Variants in DPY19L3 observed in about 807,000 individuals in gnomAD.
The protein encoded by DPY19L3 is dpy-19 like C-mannosyltransferase 3, also known as protein C-mannosyl-transferase DPY19L3.
A neutral mutation model predicts 92.3 loss-of-function variants in DPY19L3; 51 were observed. That is an observed-to-expected ratio of 0.55 (90% CI 0.44 to 0.70). DPY19L3 has a LOEUF of 0.70. Among genes scored for constraint, DPY19L3 ranks in the 30% least tolerant of loss-of-function variants. The pLI, the probability that DPY19L3 is intolerant of heterozygous loss-of-function variation, is 0.00. For synonymous variants in DPY19L3, 309 were observed against 315.2 expected (o/e 0.98, Z 0.21); for missense variants, 706 against 855.9 (o/e 0.82, Z 2.18).
chr19:32,478,054 C>T (rs1378320964), intron 17 of DPY19L3, among the ~76,000 whole-genome samples: 3 of 152,156 alleles, frequency 2.0e-5, no homozygotes, highest in Non-Finnish European at 4.4e-5. Flanking sequence ...CAGTTACCTC[C>T]CACCAGGTCC....
intron 7 of DPY19L3, among the ~76,000 whole-genome samples, chr19:32,439,441 T>C (rs571605505): frequency 6.6e-6 from 1 of 152,338 alleles, no homozygotes; most frequent in Admixed American, 6.5e-5. Context: ...GTTAAAAATG[T>C]ACTCTACATA....
intron 12 of DPY19L3, among the ~76,000 whole-genome samples, chr19:32,461,113 GC>G (rs1392252619): frequency 1.3e-5 from 2 of 152,330 alleles, no homozygotes; most frequent in Non-Finnish European, 2.9e-5. Flanking sequence ...TGATCTGCCT[GC>G]CTCAGCCTCC....
chr19:32,444,047 A>G (rs2145519102), intron 8 of DPY19L3, among the ~76,000 whole-genome samples: 1 of 151,564 alleles, frequency 6.6e-6, no homozygotes, highest in African/African-American at 2.4e-5. Context: ...AAAAAAAAAA[A>G]AGAAAAAAAA....
chr19:32,413,443 T>A (rs1568323038), intron 3 of DPY19L3, among the ~76,000 whole-genome samples: 2 of 97,228 alleles, frequency 2.1e-5, no homozygotes, highest in East Asian at 3.2e-4. Context: ...GAAGAATAAT[T>A]CTTTTTTTTT....
At chr19:32,421,741 C>T (rs896494076) in intron 3 of DPY19L3, among the ~76,000 whole-genome samples, 3 of 151,962 alleles carry the variant, frequency 2.0e-5, no homozygotes, top group Non-Finnish European at 4.4e-5. Context: ...AAACCAACAG[C>T]ACCCTGAGTA....
chr19:32,468,116 A>G (rs1419207534), intron 15 of DPY19L3: 3 of 978,096 alleles, frequency 3.1e-6, no homozygotes, highest in East Asian at 1.1e-4. Context: ...GCCAGGGTCC[A>G]GGTTGTAGCT....
Position 32,409,728 on chromosome 19 carries a change from A to G in DPY19L3, c.103+1372A>G, listed in dbSNP as rs1389092260. Among the ~76,000 whole-genome samples the G allele has an allele frequency of 2.6e-5, 4 of 152,162 alleles. No individual in the cohort carries two copies. The East Asian group carries it at 7.7e-4, about 29-fold the overall frequency. On this transcript the variant is annotated intron_variant, in intron 2 of 18. Transcript: ENST00000392250. ...AGATCACATGACCAGAGTAGAAGCAATTTCCAGGGAACACAGGATGTCAGG... is the reference window on the plus strand; with the variant it reads ...AGATCACATGACCAGAGTAGAAGCAGTTTCCAGGGAACACAGGATGTCAGG...
intron 4 of DPY19L3, among the ~76,000 whole-genome samples, chr19:32,434,259 A>G (rs1194781417): frequency 6.6e-6 from 1 of 152,158 alleles, no homozygotes; most frequent in Admixed American, 6.5e-5. Context: ...GAATGAGGCG[A>G]CACTCTGCCT....
intron 10 of DPY19L3, 114 bp downstream of exon 10, chr19:32,455,154 G>T (rs1969828035): frequency 2.8e-6 from 2 of 712,526 alleles, no homozygotes; most frequent in African/African-American, 1.9e-5. Flanking sequence ...TAGAGACAGG[G>T]TCTTGCCGTT....
intron 3 of DPY19L3, among the ~76,000 whole-genome samples, chr19:32,418,151 G>A (rs1038850039): frequency 2.0e-5 from 3 of 152,170 alleles, no homozygotes; most frequent in African/African-American, 7.2e-5. Context: ...CTATAAAACA[G>A]GCGCTTTTCC....
At chr19:32,449,433 A>G (rs867278514) in intron 8 of DPY19L3, among the ~76,000 whole-genome samples, 1 of 152,192 alleles carries the variant, frequency 6.6e-6, no homozygotes. Flanking sequence ...CCTGAAATTC[A>G]TATGGAAACT....
rs141942381 is a variant in DPY19L3 at position 32,439,859 on chromosome 19, A to G, written c.804A>G (p.Gln268=). ...WQFNQFMMLM[Q]ALVLFTLDSL... is the part of the protein sequence containing the mutation. ...TTAATCAATTTATGATGCTGATGCA[A>G]GCATTAGTGCTGTTCACACTGGACT... The change falls in exon 8 of 19, where the codon CAA becomes CAG. Residue 268 remains glutamine, a synonymous_variant. Transcript: ENST00000392250. The G allele has an allele frequency of 6.8e-4, 1,101 of 1,614,010 alleles. 10 individuals are homozygous for G. In the South Asian group the frequency reaches 7.1e-3, roughly 10 times the overall value.
chr19:32,477,795 G>A (rs1016213356), intron 17 of DPY19L3, 141 bp downstream of exon 17: 4 of 1,184,538 alleles, frequency 3.4e-6, no homozygotes, highest in African/African-American at 1.5e-5. Flanking sequence ...TCACGCTACT[G>A]ATAAAGGCAT....
Position 32,453,149 on chromosome 19 carries a change from C to T in DPY19L3, c.860C>T (p.Thr287Ile), listed in dbSNP as rs1969759329. 3.1e-6 allele frequency: 5 copies of T among 1,613,592 alleles called. No homozygotes were observed. Among genetic ancestry groups the T allele is most frequent in the Non-Finnish European group, 4.2e-6 (5 of 1,179,940 alleles). Residue 287 changes from threonine to isoleucine, a missense_variant, in exon 9 of 19, where the codon ACA (threonine) becomes ATA (isoleucine). Coordinates refer to ENST00000392250, the MANE Select transcript of DPY19L3 (RefSeq NM_001172774.2). ...TCTAATCTTTGGTTCTTGCAGGCGACATGGCTGTATGGAATACAGATAACA... is the reference window on the plus strand; with the variant it reads ...TCTAATCTTTGGTTCTTGCAGGCGATATGGCTGTATGGAATACAGATAACA... ...SLDMLPAVKA[T>I]WLYGIQITSL... is the part of the protein sequence containing the mutation.
intron 3 of DPY19L3, among the ~76,000 whole-genome samples, chr19:32,432,026 A>G (rs1968986449): frequency 6.6e-6 from 1 of 152,208 alleles, no homozygotes; most frequent in African/African-American, 2.4e-5. Context: ...GGGCTGCTCA[A>G]CCTATAAATA....
At chr19:32,409,801 C>T (rs763526901) in intron 2 of DPY19L3, among the ~76,000 whole-genome samples, 4 of 152,172 alleles carry the variant, frequency 2.6e-5, no homozygotes, top group Non-Finnish European at 4.4e-5. Context: ...AATGAAAACT[C>T]AGTACTGCTA....
At chr19:32,414,118 A>T (rs1968294695) in intron 3 of DPY19L3, among the ~76,000 whole-genome samples, 1 of 152,208 alleles carries the variant, frequency 6.6e-6, no homozygotes, top group Non-Finnish European at 1.5e-5. Flanking sequence ...CCCCGTCTCT[A>T]CTAAAGATAC....
intron 3 of DPY19L3, among the ~76,000 whole-genome samples, chr19:32,427,805 A>G (rs927183751): frequency 2.6e-5 from 4 of 152,166 alleles, no homozygotes; most frequent in Non-Finnish European, 5.9e-5. Flanking sequence ...CATGATTCCC[A>G]GTACAGAACT....
intron 3 of DPY19L3, among the ~76,000 whole-genome samples, chr19:32,430,791 CTTTTT>C (rs11296711): frequency 7.9e-6 from 1 of 125,822 alleles, no homozygotes; most frequent in Non-Finnish European, 1.7e-5. Flanking sequence ...TGCCTGGCTA[CTTTTT>C]TTTTTTTTTT....
Sources: gnomAD v4.1 joint callset for allele counts (sites outside exome capture counted in the v4.1 genomes callset) on GRCh38, gnomAD v4.1.1 for gene constraint, MANE v1.5 for transcripts, NCBI Gene and HGNC (gene_info 2026-07-23, HGNC 2026-07-21) for gene names.